Variants in LOXL2 observed in about 807,000 individuals in gnomAD.
LOXL2 encodes the protein lysyl oxidase like 2.
In LOXL2, 70 loss-of-function variants were observed where a neutral mutation model predicts 93.0. The observed-to-expected ratio is 0.75, with a 90% CI of 0.62 to 0.92. The LOEUF (loss-of-function observed/expected upper bound fraction) is 0.92, where lower values mean the gene tolerates loss of function less well. Among genes scored for constraint, LOXL2 ranks in the 40% least tolerant of loss-of-function variants. LOXL2 has a pLI of 0.00. For missense variants in LOXL2, 973 were observed against 1,054.9 expected, an observed-to-expected ratio of 0.92 and a Z score of 1.08; for synonymous variants, 438 against 413.2, an observed-to-expected ratio of 1.06 and a Z score of -0.73.
chr8:23,304,554 G>A (rs1419602039), intron 10 of LOXL2, among the ~76,000 whole-genome samples: 1 of 152,216 alleles, frequency 6.6e-6, no homozygotes, highest in Non-Finnish European at 1.5e-5. Flanking sequence ...AGAGTCCCCT[G>A]TTTTGTTGCT....
chr8:23,355,958 C>T (rs939843092), intron 3 of LOXL2, among the ~76,000 whole-genome samples: 2 of 152,092 alleles, frequency 1.3e-5, no homozygotes, highest in Admixed American at 1.3e-4. Context: ...CTAAAGTCTG[C>T]ACTCTGTGAC....
At chr8:23,307,269 C>T (rs1370729828) in intron 10 of LOXL2, among the ~76,000 whole-genome samples, 3 of 152,170 alleles carry the variant, frequency 2.0e-5, no homozygotes, top group Non-Finnish European at 4.4e-5. Flanking sequence ...GGAGAAGTCA[C>T]CTGGAGCTCG....
intron 3 of LOXL2, among the ~76,000 whole-genome samples, chr8:23,352,304 C>T (rs918873288): frequency 1.3e-5 from 2 of 152,214 alleles, no homozygotes; most frequent in Non-Finnish European, 2.9e-5. Flanking sequence ...ATTTCTCTTC[C>T]TCCTACAGAG....
chr8:23,356,002 T>G (rs1413813614), intron 3 of LOXL2, among the ~76,000 whole-genome samples: 1 of 152,174 alleles, frequency 6.6e-6, no homozygotes, highest in Non-Finnish European at 1.5e-5. Context: ...ATATAGGACC[T>G]TCTATTCATC....
chr8:23,390,889 T>C (rs1026128767), intron 1 of LOXL2, among the ~76,000 whole-genome samples: 3 of 152,100 alleles, frequency 2.0e-5, no homozygotes, highest in African/African-American at 4.8e-5. Flanking sequence ...AGAGGTGTAA[T>C]GGACTGACAG....
chr8:23,381,630 T>C (rs1002301095), intron 1 of LOXL2, among the ~76,000 whole-genome samples: 79 of 152,386 alleles, frequency 5.2e-4, no homozygotes, highest in African/African-American at 1.8e-3. Context: ...TTGGAGATTA[T>C]GTCTCCCTGC....
chr8:23,334,821 G>GTTT (rs201308827), intron 4 of LOXL2, among the ~76,000 whole-genome samples: 15 of 143,006 alleles, frequency 1.0e-4, no homozygotes, highest in Admixed American at 2.1e-4. Context: ...ATTTGTTGTT[G>GTTT]TTTTTTTTTT....
chr8:23,380,405 A>AG, intron 1 of LOXL2, among the ~76,000 whole-genome samples: 1 of 148,552 alleles, frequency 6.7e-6, no homozygotes, highest in African/African-American at 2.5e-5. Flanking sequence ...AAAAAAAAAA[A>AG]AAAAAAGACA....
rs183262880 is a variant in LOXL2 at position 23,340,850 on chromosome 8, G to A, written c.743+142C>T. On this transcript the variant is annotated intron_variant, in intron 4 of 13. Coordinates refer to ENST00000389131, the MANE Select transcript of LOXL2 (RefSeq NM_002318.3). Reference sequence around the variant, plus strand: ...ACTTGGCGCCTGGCCCGGCCCAGGGGCTCTGTGCAGGCTGCCTGCAGGGAC... The same window carrying A: ...ACTTGGCGCCTGGCCCGGCCCAGGGACTCTGTGCAGGCTGCCTGCAGGGAC... The A allele has an allele frequency of 2.2e-3, 1,676 of 752,246 alleles. 4 individuals carry two copies. The highest frequency in any genetic ancestry group is 3.1e-3 in the Non-Finnish European group (1,365 of 437,718). The allele number at this position is 752,246 out of a possible 1,614,324, so 46.6% of individuals were successfully genotyped here.
At chr8:23,340,953 G>A (rs748445514) in intron 4 of LOXL2, 39 bp downstream of exon 4, 2 of 1,557,226 alleles carry the variant, frequency 1.3e-6, no homozygotes, top group Admixed American at 3.3e-5. Context: ...AGGCAGGGCG[G>A]ATACCCTCAA....
In LOXL2 at chr8:23,329,556, G is replaced by T. The variant is rs76248903; in HGVS notation, c.967-991C>A. Among the ~76,000 whole-genome samples the T allele has an allele frequency of 8.5e-3, 1,290 of 152,294 alleles. 80 individuals are homozygous for T. The East Asian group carries it at 0.16, about 19-fold the overall frequency. ...GCATGTGTGGCACGTGTGTGTGTAA[G>T]CTCACCTGCATGCATGCTGCATGTA... On this transcript the variant is annotated intron_variant, in intron 5 of 13. Transcript: ENST00000389131.
intron 1 of LOXL2, among the ~76,000 whole-genome samples, chr8:23,383,755 G>C (rs1563208299): frequency 1.4e-5 from 2 of 147,102 alleles, no homozygotes. Flanking sequence ...CTGCCTCCCG[G>C]GTTCACGCCA....
At chr8:23,317,206 A>C in intron 8 of LOXL2, 92 bp from the exon 9 acceptor site, 8 of 1,353,358 alleles carry the variant, frequency 5.9e-6, no homozygotes, top group Admixed American at 1.8e-5. Flanking sequence ...AAAAATCCCA[A>C]TGTTTCATGA....
At chr8:23,353,710 C>T (rs1026060123) in intron 3 of LOXL2, among the ~76,000 whole-genome samples, 13 of 152,250 alleles carry the variant, frequency 8.5e-5, no homozygotes, top group African/African-American at 3.1e-4. Flanking sequence ...ACTTCGAAGT[C>T]TGCAAAGCAC....
intron 1 of LOXL2, among the ~76,000 whole-genome samples, chr8:23,396,691 A>C (rs1356195156): frequency 5.3e-5 from 8 of 152,228 alleles, no homozygotes; most frequent in Admixed American, 2.6e-4. Context: ...GTTCTTTCAA[A>C]TATCTCTTCC....
At chr8:23,354,590 G>C (rs954706) in intron 3 of LOXL2, among the ~76,000 whole-genome samples, 9,624 of 76,486 alleles carry the variant, frequency 0.13, 322 homozygotes, top group African/African-American at 0.22. Context: ...TCCCTTCTCT[G>C]TGTGTGTGTG....
intron 12 of LOXL2, among the ~76,000 whole-genome samples, chr8:23,301,446 G>C (rs1006388989): frequency 6.6e-6 from 1 of 151,996 alleles, no homozygotes; most frequent in African/African-American, 2.4e-5. Flanking sequence ...CTCTGACAAA[G>C]AAGTCACCTG....
chr8:23,302,222 C>T (rs1803146481), intron 11 of LOXL2, 59 bp from the exon 12 acceptor site: 2 of 1,599,994 alleles, frequency 1.3e-6, no homozygotes, highest in Non-Finnish European at 8.6e-7. Flanking sequence ...CTGCCGCACC[C>T]TCTTCCTGCT....
intron 1 of LOXL2, among the ~76,000 whole-genome samples, chr8:23,391,410 TAGTGACTGGCTCAGTCA>T (rs1192148585): frequency 6.6e-6 from 1 of 152,158 alleles, no homozygotes; most frequent in Non-Finnish European, 1.5e-5. Flanking sequence ...GTGCCCAGTA[TAGTGACTGGCTCAGTCA>T]CCACAATTAT....
Sources: allele counts gnomAD v4.1 joint callset (sites outside exome capture counted in the v4.1 genomes callset), GRCh38; gene constraint gnomAD v4.1.1; transcripts MANE v1.5; gene names NCBI Gene and HGNC (gene_info 2026-07-23, HGNC 2026-07-21).